The following GRID2 variants were observed in gnomAD, a reference collection of about 807,000 sequenced individuals.
GRID2 encodes glutamate receptor ionotropic, delta-2.
In GRID2, 33 loss-of-function variants were observed where a neutral mutation model predicts 114.8. That is an observed-to-expected ratio of 0.29 (90% CI 0.22 to 0.38). The LOEUF (loss-of-function observed/expected upper bound fraction) is 0.38. GRID2 is among the 10% of genes least tolerant of loss of function. GRID2 has a pLI of 1.00. For synonymous variants in GRID2, 505 were observed against 449.9 expected (o/e 1.12, Z -1.55); for missense variants, 1,184 against 1,257.7 (o/e 0.94, Z 0.89).
chr4:93,239,214 A>C (rs894575115), intron 8 of GRID2, among the ~76,000 whole-genome samples: 1 of 148,288 alleles, frequency 6.7e-6, no homozygotes, highest in Admixed American at 6.8e-5. Flanking sequence ...ATATACACAT[A>C]TACACACACA....
At chr4:92,577,407 A>G (rs965746221) in intron 1 of GRID2, among the ~76,000 whole-genome samples, 1 of 152,218 alleles carries the variant, frequency 6.6e-6, no homozygotes, top group African/African-American at 2.4e-5. Context: ...ACCAAGGATG[A>G]TGGTAGGACC....
At chr4:92,990,785 C>T (rs953358774) in intron 2 of GRID2, among the ~76,000 whole-genome samples, 4 of 151,978 alleles carry the variant, frequency 2.6e-5, no homozygotes, top group East Asian at 1.9e-4. Flanking sequence ...GCCCTAGAAA[C>T]GGATTTGATG....
At chr4:93,358,728 A>G (rs534773834) in intron 8 of GRID2, among the ~76,000 whole-genome samples, 9 of 152,170 alleles carry the variant, frequency 5.9e-5, no homozygotes, top group Admixed American at 5.2e-4. Flanking sequence ...TTCTTCTTTG[A>G]TCTAGTAATG....
chr4:92,943,620 G>A (rs1158897451), intron 2 of GRID2, among the ~76,000 whole-genome samples: 2 of 152,176 alleles, frequency 1.3e-5, no homozygotes, highest in Non-Finnish European at 2.9e-5. Flanking sequence ...CATTGCTGGT[G>A]AGGAGCTGCA....
intron 7 of GRID2, among the ~76,000 whole-genome samples, chr4:93,230,555 C>T (rs1746010825): frequency 6.6e-6 from 1 of 152,060 alleles, no homozygotes; most frequent in African/African-American, 2.4e-5. Context: ...TAGCAAGTCA[C>T]AATAAAGTTA....
intron 2 of GRID2, among the ~76,000 whole-genome samples, chr4:93,077,475 TAATC>T (rs1033822326): frequency 6.6e-6 from 1 of 152,182 alleles, no homozygotes; most frequent in African/African-American, 2.4e-5. Flanking sequence ...CATCCAGAAA[TAATC>T]AGTTTCAAAT....
intron 13 of GRID2, among the ~76,000 whole-genome samples, chr4:93,576,218 T>C (rs943275415): frequency 1.3e-5 from 2 of 152,132 alleles, no homozygotes; most frequent in African/African-American, 2.4e-5. Flanking sequence ...AAGACCTCCT[T>C]TTGAGCAAGG....
At chr4:93,119,208 G>A (rs1733553279) in intron 4 of GRID2, among the ~76,000 whole-genome samples, 1 of 152,216 alleles carries the variant, frequency 6.6e-6, no homozygotes, top group East Asian at 1.9e-4. Context: ...GTGCAGCTGA[G>A]TATATAAACC....
At chr4:92,934,504 C>A (rs1395024862) in intron 2 of GRID2, among the ~76,000 whole-genome samples, 2 of 146,214 alleles carry the variant, frequency 1.4e-5, no homozygotes, top group African/African-American at 4.9e-5. Flanking sequence ...ATCAAGCTAC[C>A]AATGACTTTC....
chr4:93,509,802 C>T (rs1273887920), intron 12 of GRID2, among the ~76,000 whole-genome samples: 1 of 152,152 alleles, frequency 6.6e-6, no homozygotes, highest in African/African-American at 2.4e-5. Flanking sequence ...AACATTAATT[C>T]TCACCCTCAC....
intron 11 of GRID2, among the ~76,000 whole-genome samples, chr4:93,457,597 C>T (rs1355941618): frequency 1.3e-5 from 2 of 151,990 alleles, no homozygotes; most frequent in Non-Finnish European, 2.9e-5. Context: ...AAGACTATTA[C>T]AATAACTGAG....
At chr4:93,435,564 A>G (rs1332244634) in intron 10 of GRID2, among the ~76,000 whole-genome samples, 1 of 152,182 alleles carries the variant, frequency 6.6e-6, no homozygotes, top group Non-Finnish European at 1.5e-5. Context: ...CAAAACTACT[A>G]TTTTAGAAAT....
At chr4:92,982,351 C>A (rs1308065347) in intron 2 of GRID2, among the ~76,000 whole-genome samples, 1 of 151,954 alleles carries the variant, frequency 6.6e-6, no homozygotes, top group Non-Finnish European at 1.5e-5. Flanking sequence ...TTCTTTTAAT[C>A]ATTTTAGATT....
intron 2 of GRID2, among the ~76,000 whole-genome samples, chr4:92,736,175 A>C: frequency 6.6e-6 from 1 of 152,272 alleles, no homozygotes; most frequent in East Asian, 1.9e-4. Flanking sequence ...TAAGAGCATC[A>C]GAATCATAGA....
intron 2 of GRID2, among the ~76,000 whole-genome samples, chr4:92,815,770 A>G (rs549199343): frequency 6.6e-6 from 1 of 151,448 alleles, no homozygotes; most frequent in South Asian, 2.1e-4. Flanking sequence ...AATAAATAAA[A>G]ACTAACTGGG....
intron 1 of GRID2, among the ~76,000 whole-genome samples, chr4:92,438,375 G>C (rs766479603): frequency 1.2e-4 from 18 of 151,890 alleles, no homozygotes; most frequent in Non-Finnish European, 2.5e-4. Flanking sequence ...TGCAATGATT[G>C]ATTATCATCT....
Position 93,594,519 on chromosome 4 carries a change from C to A in GRID2, c.2194-31750C>A, listed in dbSNP as rs1284605957. Among the ~76,000 whole-genome samples the A allele has an allele frequency of 4.6e-5, 7 of 152,086 alleles. 1 individual carries two copies. Among genetic ancestry groups the A allele is most frequent in the Admixed American group, 1.3e-4 (2 of 15,274 alleles). ...CTGCTGTCTTTTTGTTTGTCTGTGC[C>A]CTGCCCCCAGAGGTGGAGCCTACAG... is the stretch of plus-strand genomic sequence containing the variant. On this transcript the variant is annotated intron_variant, in intron 13 of 15. Coordinates refer to ENST00000282020, the MANE Select transcript of GRID2 (RefSeq NM_001510.4).
intron 1 of GRID2, among the ~76,000 whole-genome samples, chr4:93,802,275 G>A (rs140248827): frequency 1.1e-3 from 163 of 152,288 alleles, no homozygotes; most frequent in Middle Eastern, 0.01. Flanking sequence ...AACCCCAGGA[G>A]CTCTTCATCA....
chr4:93,532,654 T>A (rs545097942), intron 13 of GRID2, among the ~76,000 whole-genome samples: 1 of 152,278 alleles, frequency 6.6e-6, no homozygotes, highest in Non-Finnish European at 1.5e-5. Flanking sequence ...TGCACCATGT[T>A]AACACAAATA....
Sources: allele counts gnomAD v4.1 joint callset (sites outside exome capture counted in the v4.1 genomes callset), GRCh38; gene constraint gnomAD v4.1.1; transcripts MANE v1.5; gene names NCBI Gene and HGNC (gene_info 2026-07-23, HGNC 2026-07-21).